Variants in RAB17 observed in about 807,000 individuals in gnomAD.
The protein encoded by RAB17 is RAB17, member RAS oncogene family, also known as ras-related protein Rab-17.
Under a neutral mutation model 19.3 loss-of-function variants are expected in RAB17, and 15 were observed. The ratio of observed to expected loss-of-function variants is 0.78; its 90% CI spans 0.52 to 1.20. The LOEUF (loss-of-function observed/expected upper bound fraction) is 1.20, where lower values mean the gene tolerates loss of function less well. Among genes scored for constraint, RAB17 ranks in the 50% most tolerant of loss-of-function variants. The pLI, the probability that RAB17 is intolerant of heterozygous loss-of-function variation, is 0.00. For missense variants in RAB17, 262 were observed against 269.3 expected, an observed-to-expected ratio of 0.97 and a Z score of 0.19; for synonymous variants, 110 against 112.8, an observed-to-expected ratio of 0.97 and a Z score of 0.16.
intron 1 of RAB17, 123 bp from the exon 2 acceptor site, chr2:237,586,280 G>T (rs558737688): frequency 1.4e-4 from 133 of 974,516 alleles, no homozygotes; most frequent in South Asian, 6.9e-4. Context: ...TCCCAACTCA[G>T]AGGCCACCTA....
intron 1 of RAB17, among the ~76,000 whole-genome samples, chr2:237,586,570 T>C (rs1402817763): frequency 1.3e-5 from 2 of 152,112 alleles, no homozygotes; most frequent in Non-Finnish European, 2.9e-5. Flanking sequence ...TGGGTGGTTG[T>C]TCATGGATTA....
intron 4 of RAB17, chr2:237,575,766 A>C: frequency 2.3e-6 from 1 of 437,812 alleles, no homozygotes; most frequent in Non-Finnish European, 4.2e-6. Context: ...CCCTCCCATC[A>C]TGCCTGTTGG....
At position 237,574,607 on chromosome 2, in the gene RAB17, C is replaced by T; in HGVS notation, c.*412G>A. The T allele has an allele frequency of 6.5e-7, 1 of 1,534,060 alleles. No individual in the cohort carries two copies. The highest frequency in any genetic ancestry group is 8.8e-7 in the Non-Finnish European group (1 of 1,137,586). On this transcript the variant is annotated 3_prime_UTR_variant, in exon 6 of 6. Coordinates refer to ENST00000264601, the MANE Select transcript of RAB17 (RefSeq NM_022449.4). Reference sequence around the variant, plus strand: ...TCCATCTGGCCTGCTCCCCAACCCCCCAGAAGCAGGTGGGCCCAGGCTCCA... The same window carrying T: ...TCCATCTGGCCTGCTCCCCAACCCCTCAGAAGCAGGTGGGCCCAGGCTCCA...
intron 1 of RAB17, among the ~76,000 whole-genome samples, chr2:237,587,223 C>T (rs895743661): frequency 6.6e-6 from 1 of 152,206 alleles, no homozygotes; most frequent in Non-Finnish European, 1.5e-5. Flanking sequence ...CTTCGACCCA[C>T]TATTTTACTA....
At position 237,575,416 on chromosome 2, in the gene RAB17, T is replaced by TGG; in HGVS notation, c.498_499dup (p.His167ProfsTer34). ...TGTATTGAACACCTCCGACACCTGG[T>TGG]GGTTCAGTTTGGCCGAAGTTTCCAT... On this transcript the variant is annotated frameshift_variant, in exon 5 of 6. Transcript: ENST00000264601. LOFTEE classifies it low-confidence loss of function (END_TRUNC). 1 of 1,612,272 alleles carries TGG rather than the reference T, an allele frequency of 6.2e-7. No individual in the cohort carries two copies. Among genetic ancestry groups the TGG allele is most frequent in the Non-Finnish European group, 8.5e-7 (1 of 1,179,524 alleles).
At chr2:237,575,578 C>T (rs950520054) in intron 4 of RAB17, 98 bp from the exon 5 acceptor site, 3 of 910,788 alleles carry the variant, frequency 3.3e-6, no homozygotes, top group Admixed American at 4.2e-5. Context: ...AAGCTGCAGC[C>T]GTGGAGCCCG....
intron 3 of RAB17, 88 bp downstream of exon 3, chr2:237,577,916 T>C: frequency 7.0e-7 from 1 of 1,434,870 alleles, no homozygotes. Flanking sequence ...CTGTTCCTTG[T>C]GATTACGCCA....
At chr2:237,587,839 A>C (rs2081361662) in intron 1 of RAB17, among the ~76,000 whole-genome samples, 1 of 136,220 alleles carries the variant, frequency 7.3e-6, no homozygotes, top group Admixed American at 6.9e-5. Flanking sequence ...TCTTAAAAAA[A>C]AAAAAAAGAA....
rs542993605 is a variant in RAB17 at position 237,589,788 on chromosome 2, A to T, written c.-4+679T>A. Reference sequence around the variant, plus strand: ...GACTGGCGCTTCTCTAGTAATCTTAACTTGGGGCTTTTTAATCTCTTGCAC... The same window carrying T: ...GACTGGCGCTTCTCTAGTAATCTTATCTTGGGGCTTTTTAATCTCTTGCAC... On this transcript the variant is annotated intron_variant, in intron 1 of 5. Transcript: ENST00000264601. Among the ~76,000 whole-genome samples, 145 of 152,302 alleles carry T rather than the reference A, an allele frequency of 9.5e-4. 1 individual carries two copies. Among genetic ancestry groups the T allele is most frequent in the African/African-American group, 3.4e-3 (141 of 41,556 alleles).
In RAB17 at chr2:237,577,287, G is replaced by T. The variant is rs1302199326; in HGVS notation, c.405C>A (p.Asp135Glu). The change falls in exon 4 of 6, where the codon GAC becomes GAA. Residue 135 changes from aspartate to glutamate, a missense_variant. Asp to Glu is a conservative substitution (Grantham distance 45). Transcript: ENST00000264601. Reference protein sequence around the residue: ...VLVMLVGNKTDLSQEREVTFQ... With the variant: ...VLVMLVGNKTELSQEREVTFQ... ...AGGTCACCTCCCGCTCCTGGCTGAG[G>T]TCCGTCTTGTTGCCCACCAGCATCA... 6 of 1,613,758 alleles carry T rather than the reference G, an allele frequency of 3.7e-6. No homozygotes were observed. The highest frequency in any genetic ancestry group is 5.1e-6 in the Non-Finnish European group (6 of 1,179,954).
At chr2:237,589,693 G>T (rs966561342) in intron 1 of RAB17, among the ~76,000 whole-genome samples, 3 of 152,140 alleles carry the variant, frequency 2.0e-5, no homozygotes, top group Non-Finnish European at 4.4e-5. Context: ...AATCAAGATG[G>T]GGTTATTAGT....
rs2081248696 is a variant in RAB17 at position 237,574,918 on chromosome 2, T to C, written c.*101A>G. On this transcript the variant is annotated 3_prime_UTR_variant, in exon 6 of 6. Transcript: ENST00000264601. ...GCCAACTTCCAGGAACATCTAGGGC[T>C]CGGGAGCAACCCAGCATTGACAGTG... is the stretch of plus-strand genomic sequence containing the variant. 1 of 994,550 alleles carries C rather than the reference T, an allele frequency of 1.0e-6. No homozygotes were observed. The highest frequency in any genetic ancestry group is 3.1e-5 in the Admixed American group (1 of 32,196). 61.6% of individuals were successfully genotyped at this position (994,550 alleles called of 1,614,324 possible).
chr2:237,575,159 G>T, intron 5 of RAB17, 31 bp from the exon 6 acceptor site: 1 of 1,582,088 alleles, frequency 6.3e-7, no homozygotes, highest in Non-Finnish European at 8.7e-7. Flanking sequence ...GGGCTGGCTA[G>T]GGAGGGAAGT....
chr2:237,581,244 G>A (rs757800465), intron 2 of RAB17, among the ~76,000 whole-genome samples: 13 of 150,592 alleles, frequency 8.6e-5, no homozygotes, highest in East Asian at 1.9e-4. Flanking sequence ...GTGTGGTGGC[G>A]CACACCTGTG....
chr2:237,576,768 AAGG>A (rs1207667645), intron 4 of RAB17: 1 of 469,500 alleles, frequency 2.1e-6, no homozygotes, highest in Non-Finnish European at 4.4e-6. Flanking sequence ...CTCTGCCTGT[AAGG>A]AGGACTGACA....
At chr2:237,578,409 C>T (rs1015418161) in intron 2 of RAB17, 15 of 404,262 alleles carry the variant, frequency 3.7e-5, no homozygotes, top group African/African-American at 2.4e-4. Context: ...TAAATCTCTC[C>T]AGGACCTAAT....
At chr2:237,577,737 C>T in intron 3 of RAB17, 1 of 488,824 alleles carries the variant, frequency 2.0e-6, no homozygotes, top group Non-Finnish European at 3.7e-6. Context: ...GGGGACTGGC[C>T]ACCACCCCAA....
chr2:237,580,274 G>T (rs189728698), intron 2 of RAB17, among the ~76,000 whole-genome samples: 58 of 152,264 alleles, frequency 3.8e-4, no homozygotes, highest in African/African-American at 1.4e-3. Flanking sequence ...GTCTTAAAAC[G>T]TGGGCCTTTT....
chr2:237,587,088 T>C (rs1236911204), intron 1 of RAB17, among the ~76,000 whole-genome samples: 1 of 152,224 alleles, frequency 6.6e-6, no homozygotes, highest in Non-Finnish European at 1.5e-5. Context: ...GTTCAGGACA[T>C]AAACCTGATT....
Sources: gnomAD v4.1 joint callset for allele counts (sites outside exome capture counted in the v4.1 genomes callset) on GRCh38, gnomAD v4.1.1 for gene constraint, MANE v1.5 for transcripts, NCBI Gene and HGNC (gene_info 2026-07-23, HGNC 2026-07-21) for gene names.